MEGF10: variants seen among roughly 807,000 people sequenced by gnomAD.
MEGF10 encodes the protein multiple EGF like domains 10.
MEGF10 carries 86 observed loss-of-function variants against 147.5 expected under a neutral mutation model. The ratio of observed to expected loss-of-function variants is 0.58; its 90% CI spans 0.49 to 0.70. The LOEUF is 0.70. Among genes scored for constraint, MEGF10 ranks in the 30% least tolerant of loss-of-function variants. MEGF10 has a pLI of 0.00. For missense variants in MEGF10, 1,329 were observed against 1,487.3 expected, an observed-to-expected ratio of 0.89 and a Z score of 1.75; for synonymous variants, 478 against 525.5, an observed-to-expected ratio of 0.91 and a Z score of 1.24.
At chr5:127,233,790 CCACTTCCTTTTTTCCTT>C in the MEGF10 span, among the ~76,000 whole-genome samples, 5 of 152,096 alleles carry the variant, frequency 3.3e-5, no homozygotes, top group African/African-American at 1.2e-4. Flanking sequence ...TCTGGGCTGC[CCACTTCCTTTTTTCCTT>C]CACTTCGTTT....
chr5:127,390,087 G>C (rs1289985334), intron 5 of MEGF10, among the ~76,000 whole-genome samples: 1 of 152,086 alleles, frequency 6.6e-6, no homozygotes, highest in African/African-American at 2.4e-5. Flanking sequence ...ATGAATAAAA[G>C]AATAATCATG....
chr5:127,411,454 C>T (rs1004263124), intron 9 of MEGF10, among the ~76,000 whole-genome samples: 8 of 152,194 alleles, frequency 5.3e-5, no homozygotes, highest in Non-Finnish European at 1.0e-4. Context: ...ATAGCCACAT[C>T]AAATCCCAAA....
chr5:127,428,047 G>A (rs919127421), intron 13 of MEGF10, among the ~76,000 whole-genome samples: 4 of 151,794 alleles, frequency 2.6e-5, no homozygotes, highest in Admixed American at 6.6e-5. Flanking sequence ...ACAAGAAAAG[G>A]CCACAGAAAA....
chr5:127,349,708 A>G (rs1199749092), intron 4 of MEGF10, among the ~76,000 whole-genome samples: 1 of 149,978 alleles, frequency 6.7e-6, no homozygotes, highest in Non-Finnish European at 1.5e-5. Flanking sequence ...TTTTTAGGCT[A>G]CACAATATTT....
At chr5:127,233,242 T>C in the MEGF10 span, among the ~76,000 whole-genome samples, 1 of 152,186 alleles carries the variant, frequency 6.6e-6, no homozygotes, top group African/African-American at 2.4e-5. Flanking sequence ...GCAGAATCCT[T>C]GTCTTCTTCC....
chr5:127,420,231 C>A, intron 12 of MEGF10, 24 bp downstream of exon 12: 1 of 1,608,118 alleles, frequency 6.2e-7, no homozygotes, highest in Non-Finnish European at 8.5e-7. Flanking sequence ...AGCGCCCTGA[C>A]GGAAAACGCC....
chr5:127,450,939 A>G (rs774200341), intron 22 of MEGF10, among the ~76,000 whole-genome samples: 8 of 152,012 alleles, frequency 5.3e-5, no homozygotes, highest in Non-Finnish European at 8.8e-5. Flanking sequence ...TTGCATTTTC[A>G]GTAGAGACAG....
chr5:127,348,719 A>G (rs1331784512), intron 4 of MEGF10, among the ~76,000 whole-genome samples: 1 of 152,206 alleles, frequency 6.6e-6, no homozygotes, highest in Non-Finnish European at 1.5e-5. Context: ...TCATTGGTCT[A>G]ACAAATTTAA....
intron 1 of MEGF10, among the ~76,000 whole-genome samples, chr5:127,311,595 C>T (rs1760288513): frequency 2.0e-5 from 3 of 152,128 alleles, no homozygotes. Context: ...CAATAATTGT[C>T]CCTGTGCTGC....
chr5:127,411,897 C>T (rs957057492), intron 9 of MEGF10, among the ~76,000 whole-genome samples: 2 of 152,156 alleles, frequency 1.3e-5, no homozygotes, highest in African/African-American at 4.8e-5. Context: ...AACATTACAC[C>T]AGTGTGCTGT....
At chr5:127,426,447 T>C (rs1321509525) in intron 13 of MEGF10, among the ~76,000 whole-genome samples, 15 of 152,246 alleles carry the variant, frequency 9.9e-5, no homozygotes, top group Admixed American at 9.8e-4. Flanking sequence ...TTGTCATTTT[T>C]AGCCAATACA....
At chr5:127,260,193 A>G in the MEGF10 span, among the ~76,000 whole-genome samples, 15 of 151,536 alleles carry the variant, frequency 9.9e-5, no homozygotes, top group African/African-American at 3.1e-4. Flanking sequence ...AAATAAATAA[A>G]TGTAAAAAAA....
intron 1 of MEGF10, among the ~76,000 whole-genome samples, chr5:127,304,166 T>G (rs1759905845): frequency 6.6e-6 from 1 of 152,244 alleles, no homozygotes; most frequent in African/African-American, 2.4e-5. Context: ...TCTGCCTTCC[T>G]AATTCAGGCA....
At position 127,410,491 on chromosome 5, in the gene MEGF10, C is replaced by G; in HGVS notation, c.1020C>G (p.Leu340=). 1 of 1,614,164 alleles carries G rather than the reference C, an allele frequency of 6.2e-7. No individual in the cohort carries two copies. Among genetic ancestry groups the G allele is most frequent in the Non-Finnish European group, 8.5e-7 (1 of 1,180,046 alleles). ...GKCYHVSGAC[L]CEAGFAGERC... ...GTTACCACGTGAGCGGCGCATGCCTCTGTGAAGCAGGCTTTGCTGGCGAGC... is the reference window on the plus strand; with the variant it reads ...GTTACCACGTGAGCGGCGCATGCCTGTGTGAAGCAGGCTTTGCTGGCGAGC... The change falls in exon 9 of 25, where the codon CTC becomes CTG. Residue 340 remains leucine (L), a synonymous_variant. Coordinates refer to ENST00000503335, the MANE Select transcript of MEGF10 (RefSeq NM_001256545.2).
chr5:127,302,877 C>T (rs540222230), intron 1 of MEGF10, among the ~76,000 whole-genome samples: 1 of 152,266 alleles, frequency 6.6e-6, no homozygotes, highest in East Asian at 1.9e-4. Flanking sequence ...CCAGAGAAGG[C>T]TTCTTGGAAG....
the MEGF10 span, among the ~76,000 whole-genome samples, chr5:127,240,900 G>T: frequency 6.6e-5 from 10 of 152,180 alleles, no homozygotes; most frequent in East Asian, 1.9e-3. Flanking sequence ...AACATAAAAT[G>T]GAATAATTTA....
intron 1 of MEGF10, among the ~76,000 whole-genome samples, chr5:127,323,449 CTG>C (rs1238422225): frequency 6.6e-6 from 1 of 152,172 alleles, no homozygotes; most frequent in East Asian, 1.9e-4. Context: ...ATAACTCAAA[CTG>C]TGATTAGAAG....
intron 5 of MEGF10, among the ~76,000 whole-genome samples, chr5:127,370,383 C>T (rs1762806195): frequency 6.6e-6 from 1 of 152,124 alleles, no homozygotes; most frequent in Non-Finnish European, 1.5e-5. Context: ...AAGAAAATCT[C>T]TTGGTGATTA....
intron 4 of MEGF10, among the ~76,000 whole-genome samples, chr5:127,347,713 T>A (rs184677595): frequency 4.6e-5 from 7 of 152,188 alleles, no homozygotes; most frequent in African/African-American, 1.7e-4. Flanking sequence ...ATATTTATTA[T>A]CTCTCCCTTT....
Sources: gnomAD v4.1 joint callset for allele counts (sites outside exome capture counted in the v4.1 genomes callset) on GRCh38, gnomAD v4.1.1 for gene constraint, MANE v1.5 for transcripts, NCBI Gene and HGNC (gene_info 2026-07-23, HGNC 2026-07-21) for gene names.